Variants in ALMS1 observed in about 807,000 individuals in gnomAD.
The protein encoded by ALMS1 is ALMS1 centrosome and basal body associated protein.
In ALMS1, 271 loss-of-function variants were observed where a neutral mutation model predicts 352.2. The ratio of observed to expected loss-of-function variants is 0.77; its 90% CI spans 0.70 to 0.85. The LOEUF is 0.85. ALMS1 is among the 40% of genes least tolerant of loss of function. The probability of loss-of-function intolerance (pLI) is 0.00; values close to 1 mark genes in which losing one functional copy is unlikely to be tolerated. For synonymous variants in ALMS1, 1,865 were observed against 1,761.2 expected, an observed-to-expected ratio of 1.06 and a Z score of -1.48; for missense variants, 5,445 against 4,870.7, an observed-to-expected ratio of 1.12 and a Z score of -3.51.
chr2:73,599,248 A>G (rs1478599502), intron 16 of ALMS1, among the ~76,000 whole-genome samples, 153 bp from the exon 17 acceptor site: 1 of 152,172 alleles, frequency 6.6e-6, no homozygotes, highest in Non-Finnish European at 1.5e-5. Flanking sequence ...TCACAGATAC[A>G]AGGCAGCAAG....
chr2:73,453,353 C>T lies in ALMS1; in HGVS notation c.6826C>T (p.Arg2276Ter), dbSNP rs1238145717. ...LMEAENMALK[R>*]CNFPAPLARF... is the part of the protein sequence containing the mutation. ...GGAGGCAGAAAATATGGCACTGAAA[C>T]GATGCAATTTTCCTGCTCCCCTTGC... is the stretch of plus-strand genomic sequence containing the variant. The change falls in exon 8 of 23, where the codon CGA becomes TGA. Residue 2276 changes from arginine (R) to a stop codon, truncating the protein, a stop_gained. Transcript: ENST00000613296. LOFTEE classifies it high-confidence loss of function. 3.7e-6 allele frequency: 6 copies of T among 1,613,556 alleles called. No individual in the cohort carries two copies. Among genetic ancestry groups the T allele is most frequent in the East Asian group, 2.2e-5 (1 of 44,862 alleles).
intron 6 of ALMS1, among the ~76,000 whole-genome samples, chr2:73,427,967 T>G (rs1475137272): frequency 6.6e-6 from 1 of 152,242 alleles, no homozygotes; most frequent in Non-Finnish European, 1.5e-5. Context: ...TTTAGACCTT[T>G]AGGTTCAGAT....
intron 15 of ALMS1, among the ~76,000 whole-genome samples, chr2:73,562,450 G>C (rs1036966569): frequency 2.6e-5 from 4 of 152,088 alleles, no homozygotes; most frequent in African/African-American, 4.8e-5. Context: ...AATCATGCAG[G>C]CCTCCATACA....
At position 73,520,019 on chromosome 2, in the gene ALMS1, A is replaced by G; in HGVS notation, c.9781+3A>G. 6.2e-7 allele frequency: 1 copy of G among 1,614,104 alleles called. No homozygotes were observed. On this transcript the variant is annotated splice_donor_region_variant and intron_variant, in intron 11 of 22. Coordinates refer to ENST00000613296, the MANE Select transcript of ALMS1 (RefSeq NM_001378454.1). ...TACTTTTTCTCGCGGCACAGATGGTAAGAGAATGTGATTGCATTTTAGATT... is the reference window on the plus strand; with the variant it reads ...TACTTTTTCTCGCGGCACAGATGGTGAGAGAATGTGATTGCATTTTAGATT...
At chr2:73,408,806 A>G in intron 2 of ALMS1, 59 bp downstream of exon 2, 1 of 1,465,202 alleles carries the variant, frequency 6.8e-7, no homozygotes, top group Admixed American at 1.8e-5. Context: ...AGAAATTCTG[A>G]TTTAGCTATG....
intron 11 of ALMS1, among the ~76,000 whole-genome samples, chr2:73,525,167 T>C (rs1425776484): frequency 6.6e-6 from 1 of 152,202 alleles, no homozygotes; most frequent in Non-Finnish European, 1.5e-5. Context: ...AATTTATCCA[T>C]TAATCTATTG....
intron 2 of ALMS1, among the ~76,000 whole-genome samples, chr2:73,411,691 A>AGAT (rs1244404014): frequency 6.6e-6 from 1 of 152,076 alleles, no homozygotes; most frequent in Non-Finnish European, 1.5e-5. Flanking sequence ...TGTTACTGTC[A>AGAT]TCTGAGTTAC....
intron 6 of ALMS1, among the ~76,000 whole-genome samples, chr2:73,431,557 G>C (rs1236778539): frequency 3.9e-5 from 6 of 152,132 alleles, no homozygotes; most frequent in Non-Finnish European, 8.8e-5. Flanking sequence ...TTTCTAGCAA[G>C]AACTTGTGAC....
At chr2:73,608,036 C>CG in intron 21 of ALMS1, among the ~76,000 whole-genome samples, 1 of 152,258 alleles carries the variant, frequency 6.6e-6, no homozygotes, top group South Asian at 2.1e-4. Context: ...TTCCACCAGA[C>CG]CAAGTTTCTT....
chr2:73,388,321 A>G (rs62151564), intron 1 of ALMS1, among the ~76,000 whole-genome samples: 19,756 of 152,210 alleles, frequency 0.13, 1,478 homozygotes, highest in Admixed American at 0.18. Context: ...CGTAATTAAC[A>G]TGGATATATT....
At chr2:73,548,850 T>A (rs969494530) in intron 12 of ALMS1, among the ~76,000 whole-genome samples, 11 of 152,174 alleles carry the variant, frequency 7.2e-5, no homozygotes, top group African/African-American at 2.7e-4. Context: ...GAGAGGCCAG[T>A]TCCGACTCCT....
intron 1 of ALMS1, among the ~76,000 whole-genome samples, chr2:73,395,999 G>A (rs1054177949): frequency 6.6e-6 from 1 of 152,064 alleles, no homozygotes; most frequent in Non-Finnish European, 1.5e-5. Context: ...TTTTAAGAAG[G>A]TTTACGAATT....
chr2:73,539,976 A>G (rs934524297), intron 12 of ALMS1, among the ~76,000 whole-genome samples: 2 of 152,236 alleles, frequency 1.3e-5, no homozygotes, highest in African/African-American at 4.8e-5. Context: ...AACTTCCCCA[A>G]TCTAGCAAGG....
intron 2 of ALMS1, among the ~76,000 whole-genome samples, chr2:73,412,943 T>G (rs1261198542): frequency 1.3e-5 from 2 of 152,162 alleles, no homozygotes; most frequent in African/African-American, 4.8e-5. Flanking sequence ...GAGTTCTGAT[T>G]GCCCTGCATT....
In ALMS1 at chr2:73,557,172, T is replaced by C. The variant is rs371179489; in HGVS notation, c.10079-48T>C. ...GTGGGGGAGGATTACTTGTCTGTTG[T>C]GTTTATTATCTTTCCTTTTCTGAAA... On this transcript the variant is annotated intron_variant, in intron 13 of 22. Transcript: ENST00000613296. 2.5e-6 allele frequency: 4 copies of C among 1,612,558 alleles called. No homozygotes were observed. The African/African-American group carries it at 4.0e-5, about 16-fold the overall frequency.
chr2:73,559,293 T>G, intron 15 of ALMS1, 151 bp downstream of exon 15: 2 of 859,212 alleles, frequency 2.3e-6, no homozygotes, highest in Non-Finnish European at 3.6e-6. Context: ...TGTAAAGTAC[T>G]TTGATGCTAC....
chr2:73,473,108 G>T (rs1672501436), intron 9 of ALMS1, among the ~76,000 whole-genome samples: 1 of 152,144 alleles, frequency 6.6e-6, no homozygotes, highest in Middle Eastern at 3.4e-3. Flanking sequence ...CTCAGAGAAG[G>T]CTTGAGAAGA....
chr2:73,486,742 A>G (rs571150059), intron 9 of ALMS1, among the ~76,000 whole-genome samples: 2 of 152,286 alleles, frequency 1.3e-5, no homozygotes, highest in East Asian at 1.9e-4. Context: ...TATACTTAGC[A>G]GGAGAAATAG....
At chr2:73,516,847 T>C (rs1673567247) in intron 10 of ALMS1, among the ~76,000 whole-genome samples, 1 of 152,204 alleles carries the variant, frequency 6.6e-6, no homozygotes, top group Non-Finnish European at 1.5e-5. Context: ...TTTAATTCCT[T>C]ACCTTTAAAA....
Sources: allele counts gnomAD v4.1 joint callset (sites outside exome capture counted in the v4.1 genomes callset), GRCh38; gene constraint gnomAD v4.1.1; transcripts MANE v1.5; gene names NCBI Gene and HGNC (gene_info 2026-07-23, HGNC 2026-07-21).